The following EPHA4 variants were observed in gnomAD, a reference collection of about 807,000 sequenced individuals.
EPHA4 encodes the protein EPH receptor A4, also known as ephrin type-A receptor 4.
EPHA4 carries 19 observed loss-of-function variants against 108.3 expected under a neutral mutation model. That is an observed-to-expected ratio of 0.18 (90% confidence interval 0.12 to 0.26). The LOEUF is 0.26. Ranked by LOEUF, EPHA4 falls within the 10% of genes least tolerant of loss-of-function variation. EPHA4 has a pLI of 1.00. For missense variants in EPHA4, 917 were observed against 1,254.0 expected, an observed-to-expected ratio of 0.73 and a Z score of 4.06; for synonymous variants, 449 against 455.5, an observed-to-expected ratio of 0.99 and a Z score of 0.18.
rs1689678064 is a variant in EPHA4, at chr2:221,419,264, G to C, written c.*2108C>G. On this transcript the variant is annotated 3_prime_UTR_variant, in exon 18 of 18. Transcript: ENST00000281821. ...GCTGATGCTCTTGTGAGGGCAACAG[G>C]AGTTAGCTGCATATTAATTACTGTA... 6.6e-6 allele frequency: 1 copy of C among 152,592 alleles called. No individual in the cohort carries two copies. Among genetic ancestry groups the C allele is most frequent in the Non-Finnish European group, 1.5e-5 (1 of 68,034 alleles). 9.5% of individuals were successfully genotyped at this position (152,592 alleles called of 1,614,324 possible). A position where few individuals can be genotyped will look rare whatever the true frequency, so the allele number is the denominator to read the frequency against.
Position 221,572,024 on chromosome 2 carries a change from C to T in EPHA4, c.91+134G>A. 4 of 747,796 alleles carry T rather than the reference C, an allele frequency of 5.3e-6. No homozygotes were observed. The East Asian group carries it at 1.0e-4, about 20-fold the overall frequency. 46.3% of individuals were successfully genotyped at this position (747,796 alleles called of 1,614,324 possible). A position where few individuals can be genotyped will look rare whatever the true frequency, so the allele number is the denominator to read the frequency against. On this transcript the variant is annotated intron_variant, in intron 1 of 17. Coordinates refer to ENST00000281821, the MANE Select transcript of EPHA4 (RefSeq NM_004438.5). ...CCTTCGCCGATCCCCTCGCCTCAGC[C>T]CCCTTCTCCCGAATCGGGACGCACC...
chr2:221,506,972 G>T (rs10188039), intron 3 of EPHA4, among the ~76,000 whole-genome samples: 1 of 152,088 alleles, frequency 6.6e-6, no homozygotes, highest in Non-Finnish European at 1.5e-5. Context: ...CACTTAATTT[G>T]GTTTCAAGGA....
intron 5 of EPHA4, among the ~76,000 whole-genome samples, chr2:221,477,620 G>A (rs538068262): frequency 8.5e-5 from 13 of 152,268 alleles, no homozygotes; most frequent in African/African-American, 2.2e-4. Context: ...CCCCCGCAAC[G>A]TAAATCCCTT....
At chr2:221,485,304 G>A (rs1691945379) in intron 4 of EPHA4, among the ~76,000 whole-genome samples, 1 of 152,166 alleles carries the variant, frequency 6.6e-6, no homozygotes, top group Admixed American at 6.6e-5. Context: ...CAAAGATGCT[G>A]CAGGATTTCA....
chr2:221,502,385 ACT>A (rs1406578392), intron 3 of EPHA4: 7 of 378,634 alleles, frequency 1.8e-5, no homozygotes, highest in African/African-American at 1.5e-4. Context: ...AGCATGATTC[ACT>A]CTCGTTTCTT....
upstream of EPHA4, chr2:221,572,535 G>A: frequency 4.2e-6 from 1 of 240,570 alleles, no homozygotes; most frequent in South Asian, 1.6e-4. Context: ...CCCGCCTGCC[G>A]GAGGGAGCCA....
chr2:221,475,241 A>G (rs931053159), intron 5 of EPHA4, among the ~76,000 whole-genome samples: 20 of 152,358 alleles, frequency 1.3e-4, no homozygotes, highest in African/African-American at 4.3e-4. Flanking sequence ...TGAAGAATGC[A>G]TACTTTAAAG....
At chr2:221,447,204 T>C (rs1690619441) in intron 8 of EPHA4, among the ~76,000 whole-genome samples, 1 of 152,228 alleles carries the variant, frequency 6.6e-6, no homozygotes, top group Admixed American at 6.5e-5. Flanking sequence ...TGTATACATT[T>C]ATGTTTCTGT....
At chr2:221,457,005 C>A (rs1690977713) in intron 6 of EPHA4, among the ~76,000 whole-genome samples, 1 of 152,254 alleles carries the variant, frequency 6.6e-6, no homozygotes, top group Non-Finnish European at 1.5e-5. Flanking sequence ...TGACCATATC[C>A]AGATCTTTCC....
chr2:221,457,410 A>C lies in EPHA4; in HGVS notation c.1443+456T>G, dbSNP rs575297478. ...TTTCTATTAAAAGTCATCAAAACCC[A>C]CATCTTTATTCTGAATAGCAGTGAT... On this transcript the variant is annotated intron_variant, in intron 6 of 17. Transcript: ENST00000281821. 2.0e-5 allele frequency among the ~76,000 whole-genome samples: 3 copies of C among 152,280 alleles called. No homozygotes were observed. In the South Asian group the frequency reaches 6.2e-4, roughly 32 times the overall value.
intron 2 of EPHA4, among the ~76,000 whole-genome samples, 184 bp downstream of exon 2, chr2:221,568,534 T>C (rs1284676631): frequency 2.0e-5 from 3 of 152,176 alleles, no homozygotes; most frequent in African/African-American, 7.2e-5. Flanking sequence ...TTCTAGTTCT[T>C]CCATGACAGA....
At chr2:221,452,734 G>A (rs1321864806) in intron 8 of EPHA4, among the ~76,000 whole-genome samples, 1 of 151,814 alleles carries the variant, frequency 6.6e-6, no homozygotes, top group Non-Finnish European at 1.5e-5. Flanking sequence ...TGGGGGAGAA[G>A]GGACAGGAAT....
Position 221,426,523 on chromosome 2 carries a change from C to T in EPHA4, c.2787G>A (p.Lys929=), listed in dbSNP as rs930016393. ...WLQAIKMDRY[K]DNFTAAGYTT... is the part of the protein sequence containing the mutation. ...TATAACCAGCAGCTGTGAAGTTATC[C>T]TTATACCGGTCCATTTTAATGGCCT... The change falls in exon 16 of 18, where the codon AAG becomes AAA. Residue 929 remains lysine, a synonymous_variant. Transcript: ENST00000281821. The T allele has an allele frequency of 6.2e-7, 1 of 1,613,998 alleles. No individual in the cohort carries two copies. The highest frequency in any genetic ancestry group is 8.5e-7 in the Non-Finnish European group (1 of 1,180,024).
At chr2:221,420,730 G>A (rs62178618) in intron 17 of EPHA4, among the ~76,000 whole-genome samples, 178 bp from the exon 18 acceptor site, 25,016 of 151,802 alleles carry the variant, frequency 0.16, 2,299 homozygotes, top group African/African-American at 0.22. Context: ...GCAATTATAA[G>A]AGCAAAAAAA....
Position 221,474,276 on chromosome 2 carries a change from G to C in EPHA4, c.1318+8076C>G, listed in dbSNP as rs534345887. Among the ~76,000 whole-genome samples the C allele has an allele frequency of 3.9e-5, 6 of 152,152 alleles. No individual in the cohort carries two copies. The South Asian group carries it at 1.2e-3, about 32-fold the overall frequency. ...ACAGACACTGGTGCCACACACAAGA[G>C]GCTGCGCCATTGTATATCTGCTGGT... On this transcript the variant is annotated intron_variant, in intron 5 of 17. Transcript: ENST00000281821.
At chr2:221,491,135 C>CT (rs1217728341) in intron 4 of EPHA4, among the ~76,000 whole-genome samples, 3 of 151,820 alleles carry the variant, frequency 2.0e-5, no homozygotes, top group South Asian at 2.1e-4. Context: ...TGATCTTTGT[C>CT]TTTTTTTTAC....
chr2:221,513,529 C>T (rs1341979016), intron 3 of EPHA4, among the ~76,000 whole-genome samples: 2 of 152,082 alleles, frequency 1.3e-5, no homozygotes, highest in African/African-American at 2.4e-5. Context: ...GAGAATCACA[C>T]ACACAAGAAG....
intron 4 of EPHA4, among the ~76,000 whole-genome samples, chr2:221,486,394 C>A (rs1224681439): frequency 6.6e-6 from 1 of 152,004 alleles, no homozygotes; most frequent in Non-Finnish European, 1.5e-5. Flanking sequence ...ACTTAGACAC[C>A]ATTCCATGTC....
intron 17 of EPHA4, among the ~76,000 whole-genome samples, chr2:221,423,348 C>T (rs752530951): frequency 6.6e-5 from 10 of 152,220 alleles, no homozygotes; most frequent in Non-Finnish European, 1.0e-4. Context: ...TCTGGCTCTG[C>T]GCCCTGGGAA....
Sources: allele counts gnomAD v4.1 joint callset (sites outside exome capture counted in the v4.1 genomes callset), GRCh38; gene constraint gnomAD v4.1.1; transcripts MANE v1.5; gene names NCBI Gene and HGNC (gene_info 2026-07-23, HGNC 2026-07-21).